The following DOCK3 variants were observed in gnomAD, a reference collection of about 807,000 sequenced individuals.
DOCK3 encodes the protein dedicator of cytokinesis protein 3.
A neutral mutation model predicts 265.6 loss-of-function variants in DOCK3; 60 were observed. That is an observed-to-expected ratio of 0.23 (90% CI 0.18 to 0.28). The LOEUF is 0.28. Among genes scored for constraint, DOCK3 ranks in the 10% least tolerant of loss-of-function variants. DOCK3 has a pLI of 1.00. For synonymous variants in DOCK3, 881 were observed against 938.0 expected (o/e 0.94, Z 1.11); for missense variants, 1,981 against 2,594.3 (o/e 0.76, Z 5.14).
chr3:50,884,086 C>T (rs1291921785), intron 3 of DOCK3, among the ~76,000 whole-genome samples: 1 of 151,320 alleles, frequency 6.6e-6, no homozygotes, highest in Non-Finnish European at 1.5e-5. Flanking sequence ...AAGTATATAC[C>T]ATTCTTTTTT....
chr3:50,721,768 G>A (rs2037485955), intron 1 of DOCK3, among the ~76,000 whole-genome samples: 1 of 152,178 alleles, frequency 6.6e-6, no homozygotes, highest in South Asian at 2.1e-4. Flanking sequence ...CATTGAATCT[G>A]TAGATTGCTT....
intron 4 of DOCK3, among the ~76,000 whole-genome samples, chr3:50,903,932 A>G (rs2049335120): frequency 6.6e-6 from 1 of 151,720 alleles, no homozygotes; most frequent in African/African-American, 2.4e-5. Context: ...ACCCCACAAC[A>G]GGCCCCAGTG....
chr3:51,130,759 G>A (rs975229852), intron 9 of DOCK3, among the ~76,000 whole-genome samples: 1 of 152,198 alleles, frequency 6.6e-6, no homozygotes, highest in African/African-American at 2.4e-5. Context: ...CCAAGCTGGA[G>A]TGCAGTGGAG....
chr3:50,864,812 A>T (rs1224837455), intron 3 of DOCK3, among the ~76,000 whole-genome samples: 1 of 151,858 alleles, frequency 6.6e-6, no homozygotes, highest in African/African-American at 2.4e-5. Flanking sequence ...GTGTGTTTTT[A>T]TGCCAGTCAT....
intron 35 of DOCK3, among the ~76,000 whole-genome samples, chr3:51,337,385 C>G (rs1199368274): frequency 6.6e-6 from 1 of 152,230 alleles, no homozygotes; most frequent in Non-Finnish European, 1.5e-5. Context: ...CCCAGCTGTA[C>G]TGCTCTTCAC....
At chr3:51,298,417 A>G (rs1221385713) in intron 27 of DOCK3, among the ~76,000 whole-genome samples, 1 of 152,076 alleles carries the variant, frequency 6.6e-6, no homozygotes, top group Non-Finnish European at 1.5e-5. Context: ...TTTAATTTTG[A>G]TTTTAAGTTC....
intron 25 of DOCK3, 98 bp from the exon 26 acceptor site, chr3:51,277,510 A>G (rs2080879946): frequency 1.4e-6 from 2 of 1,420,516 alleles, no homozygotes; most frequent in Admixed American, 3.0e-5. Context: ...TTGGGAATCC[A>G]GAAGACTACT....
At chr3:50,681,419 A>G (rs1380552957) in intron 1 of DOCK3, among the ~76,000 whole-genome samples, 1 of 152,200 alleles carries the variant, frequency 6.6e-6, no homozygotes, top group East Asian at 1.9e-4. Context: ...CCCAACATGT[A>G]AGCATTATTG....
rs1376457740 is a variant in DOCK3, at chr3:50,962,006, T to C, written c.315+27929T>C. ...TCCATGTAACATGAACCACTTTTTT[T>C]TTTTAATATATATGCTTTAAATTCT... On this transcript the variant is annotated intron_variant, in intron 5 of 52. Transcript: ENST00000266037. Among the ~76,000 whole-genome samples, 13 of 152,300 alleles carry C rather than the reference T, an allele frequency of 8.5e-5. No homozygotes were observed. The South Asian group carries it at 1.4e-3, about 17-fold the overall frequency.
chr3:50,884,729 A>G (rs890079554), intron 3 of DOCK3, among the ~76,000 whole-genome samples: 2 of 151,940 alleles, frequency 1.3e-5, no homozygotes, highest in African/African-American at 2.4e-5. Flanking sequence ...TTAAAATTTT[A>G]CATTTCAAAT....
chr3:51,009,095 C>T (rs190218416), intron 5 of DOCK3, among the ~76,000 whole-genome samples: 2 of 152,244 alleles, frequency 1.3e-5, no homozygotes, highest in Admixed American at 1.3e-4. Flanking sequence ...TGTTGAGTCT[C>T]TGCCAGGCTT....
chr3:51,097,452 C>A (rs1448137952), intron 9 of DOCK3, among the ~76,000 whole-genome samples: 19 of 152,160 alleles, frequency 1.2e-4, no homozygotes, highest in Admixed American at 1.2e-3. Flanking sequence ...GGCTGGCCCT[C>A]CCCTTACCAA....
chr3:51,236,488 A>C, intron 20 of DOCK3, 60 bp downstream of exon 20: 1 of 1,463,338 alleles, frequency 6.8e-7, no homozygotes. Context: ...ATTTCAGAAA[A>C]TTTAAGGGAA....
intron 1 of DOCK3, among the ~76,000 whole-genome samples, chr3:50,731,463 G>A (rs910490429): frequency 3.1e-4 from 47 of 152,140 alleles, no homozygotes; most frequent in African/African-American, 1.1e-3. Context: ...GATGTTGATC[G>A]TGGGTGAAGT....
At chr3:51,198,410 C>T (rs1208033584) in intron 12 of DOCK3, among the ~76,000 whole-genome samples, 1 of 152,116 alleles carries the variant, frequency 6.6e-6, no homozygotes, top group Admixed American at 6.5e-5. Flanking sequence ...GCCTCATTTT[C>T]CCGCTTCCAG....
chr3:50,854,140 C>T (rs2046468640), intron 3 of DOCK3, among the ~76,000 whole-genome samples: 1 of 152,016 alleles, frequency 6.6e-6, no homozygotes, highest in Non-Finnish European at 1.5e-5. Context: ...ATGTCCTCTG[C>T]TCACTTTTTA....
chr3:50,792,912 G>A (rs2108616145), intron 2 of DOCK3, among the ~76,000 whole-genome samples: 1 of 152,286 alleles, frequency 6.6e-6, no homozygotes, highest in African/African-American at 2.4e-5. Context: ...TCAGGATGAT[G>A]CTGGCCTCAT....
At chr3:51,099,168 T>C (rs901253652) in intron 9 of DOCK3, among the ~76,000 whole-genome samples, 5 of 152,242 alleles carry the variant, frequency 3.3e-5, no homozygotes, top group Non-Finnish European at 5.9e-5. Context: ...TCAGACTGTC[T>C]TGACATGCTT....
At chr3:50,959,357 C>T (rs1455343089) in intron 5 of DOCK3, among the ~76,000 whole-genome samples, 1 of 151,452 alleles carries the variant, frequency 6.6e-6, no homozygotes, top group Non-Finnish European at 1.5e-5. Context: ...ATGAGAATAT[C>T]TAAAATCTAC....
Sources: allele counts gnomAD v4.1 joint callset (sites outside exome capture counted in the v4.1 genomes callset), GRCh38; gene constraint gnomAD v4.1.1; transcripts MANE v1.5; gene names NCBI Gene and HGNC (gene_info 2026-07-23, HGNC 2026-07-21).